ATG13: variants seen among roughly 807,000 people sequenced by gnomAD.
The protein encoded by ATG13 is autophagy related 13.
A neutral mutation model predicts 65.5 loss-of-function variants in ATG13; 23 were observed. That is an observed-to-expected ratio of 0.35 (90% CI 0.25 to 0.50). The LOEUF (loss-of-function observed/expected upper bound fraction) is 0.50, where lower values mean the gene tolerates loss of function less well. ATG13 is among the 20% of genes least tolerant of loss of function. The pLI is 0.98. For missense variants in ATG13, 566 were observed against 677.0 expected (o/e 0.84, Z 1.82); for synonymous variants, 252 against 245.2 (o/e 1.03, Z -0.26).
chr11:46,662,456 G>A (rs2061399152), intron 11 of ATG13, among the ~76,000 whole-genome samples: 1 of 152,178 alleles, frequency 6.6e-6, no homozygotes, highest in Non-Finnish European at 1.5e-5. Context: ...TGCACCTGGT[G>A]TTTGCATCAA....
At chr11:46,633,497 G>A (rs771122061) in intron 2 of ATG13, among the ~76,000 whole-genome samples, 3 of 151,614 alleles carry the variant, frequency 2.0e-5, no homozygotes, top group Non-Finnish European at 4.4e-5. Flanking sequence ...ACAGGCGCCC[G>A]CCACCACGCC....
chr11:46,624,205 T>C (rs1454313416), intron 1 of ATG13, among the ~76,000 whole-genome samples: 1 of 152,132 alleles, frequency 6.6e-6, no homozygotes, highest in Non-Finnish European at 1.5e-5. Context: ...GGTTTCGCCA[T>C]GTTGGCCAGG....
chr11:46,657,932 G>T (rs1488996906), intron 10 of ATG13, among the ~76,000 whole-genome samples: 1 of 152,168 alleles, frequency 6.6e-6, no homozygotes, highest in Non-Finnish European at 1.5e-5. Context: ...AGCTGGGCAT[G>T]CCAGCACATG....
intron 7 of ATG13, among the ~76,000 whole-genome samples, chr11:46,654,346 T>C (rs912519157): frequency 2.0e-5 from 3 of 147,430 alleles, no homozygotes; most frequent in Non-Finnish European, 4.5e-5. Context: ...AGACCACTTA[T>C]CAAACTCTAG....
chr11:46,656,250 T>A lies in ATG13; in HGVS notation c.476T>A (p.Val159Asp). 1 of 1,613,224 alleles carries A rather than the reference T, an allele frequency of 6.2e-7. No individual in the cohort carries two copies. The highest frequency in any genetic ancestry group is 8.5e-7 in the Non-Finnish European group (1 of 1,179,186). ...VILYRIYFGE[V>D]QLSGLGEGFQ... ...CCATACAGGATATATTTTGGAGAAG[T>A]TCAGCTGAGTGGCTTAGGAGAAGGT... The change falls in exon 8 of 19, where the codon GTT becomes GAT. Residue 159 changes from valine (V) to aspartate (D), a missense_variant. Val to Asp is a radical substitution (Grantham distance 152). This residue lies in a region of ATG13 where 179 missense variants were observed against 267.2 expected (regional missense o/e 0.67). Coordinates refer to ENST00000683050, the MANE Select transcript of ATG13 (RefSeq NM_001346311.2).
chr11:46,667,648 T>A, intron 14 of ATG13, 125 bp from the exon 15 acceptor site: 2 of 583,590 alleles, frequency 3.4e-6, no homozygotes, highest in Non-Finnish European at 5.9e-6. Context: ...CCATCTCCCA[T>A]TGATGGGCCA....
intron 2 of ATG13, among the ~76,000 whole-genome samples, chr11:46,631,858 T>G (rs1246525595): frequency 6.6e-6 from 1 of 152,172 alleles, no homozygotes; most frequent in Non-Finnish European, 1.5e-5. Context: ...CCACCTTGGA[T>G]GACAGAACAA....
intron 2 of ATG13, among the ~76,000 whole-genome samples, chr11:46,633,691 G>C (rs1392062859): frequency 1.3e-5 from 2 of 152,078 alleles, no homozygotes; most frequent in Non-Finnish European, 2.9e-5. Context: ...CGAGTTTATA[G>C]TCCCAGCTAC....
In ATG13 at chr11:46,659,505, G is replaced by C; in HGVS notation, c.789+20G>C. On this transcript the variant is annotated intron_variant, in intron 11 of 18. Transcript: ENST00000683050. ...TCCCAGGTAGGGGGAAGCAGGTTCT[G>C]GGGTGGTGGTAGTTATTTGGTATAT... 1 of 1,590,286 alleles carries C rather than the reference G, an allele frequency of 6.3e-7. No individual in the cohort carries two copies. The highest frequency in any genetic ancestry group is 8.6e-7 in the Non-Finnish European group (1 of 1,158,658).
chr11:46,657,240 G>GA (rs773618510), intron 9 of ATG13, 49 bp downstream of exon 9: 57 of 1,516,906 alleles, frequency 3.8e-5, no homozygotes, highest in Non-Finnish European at 5.1e-5. Flanking sequence ...AAATGTTAAA[G>GA]TTTTTTTTCT....
At chr11:46,643,591 A>G (rs907978593) in intron 2 of ATG13, among the ~76,000 whole-genome samples, 1 of 149,942 alleles carries the variant, frequency 6.7e-6, no homozygotes, top group African/African-American at 2.4e-5. Context: ...AATCATCTCA[A>G]ATCATTTCAA....
At chr11:46,634,012 A>C (rs1459340919) in intron 2 of ATG13, among the ~76,000 whole-genome samples, 1 of 151,786 alleles carries the variant, frequency 6.6e-6, no homozygotes, top group Non-Finnish European at 1.5e-5. Context: ...CAGTGACTAG[A>C]CTCTTTGCTG....
chr11:46,646,132 TTC>T lies in ATG13; in HGVS notation c.270+145_270+146del, dbSNP rs1359375787. 201 of 1,212,886 alleles carry T rather than the reference TTC, an allele frequency of 1.7e-4. No individual in the cohort carries two copies. In the East Asian group the frequency reaches 4.8e-3, roughly 29 times the overall value. The allele number at this position is 1,212,886 out of a possible 1,614,324, so 75.1% of individuals were successfully genotyped here. Reference sequence around the variant, plus strand: ...TCTGAGGGGGTCATAGTTTTTTTTGTTCTTTTTTGTTTGTTTGTTTTGTTTTG... The same window carrying T: ...TCTGAGGGGGTCATAGTTTTTTTTGTTTTTTTGTTTGTTTGTTTTGTTTTG... On this transcript the variant is annotated intron_variant, in intron 5 of 18. Coordinates refer to ENST00000683050, the MANE Select transcript of ATG13 (RefSeq NM_001346311.2).
chr11:46,647,616 G>A (rs917938317), intron 5 of ATG13, among the ~76,000 whole-genome samples: 1 of 151,784 alleles, frequency 6.6e-6, no homozygotes, highest in Non-Finnish European at 1.5e-5. Context: ...CTGTCACCCA[G>A]GCTGGAGTGC....
At chr11:46,631,768 A>G (rs1331981695) in intron 2 of ATG13, among the ~76,000 whole-genome samples, 1 of 152,132 alleles carries the variant, frequency 6.6e-6, no homozygotes, top group Non-Finnish European at 1.5e-5. Context: ...GGTCTCAGCT[A>G]CTTGAGAGGC....
chr11:46,660,525 T>TC, intron 11 of ATG13, among the ~76,000 whole-genome samples: 1 of 151,540 alleles, frequency 6.6e-6, no homozygotes, highest in Middle Eastern at 3.4e-3. Flanking sequence ...TTCTCCTGCC[T>TC]AGCCTCCCGA....
rs542020390 is a variant in ATG13, at chr11:46,638,988, A to AT, written c.-13-5288dup. ...ACACTCGGCTGATTTTTATTTATTT[A>AT]TTTATTTATTTTTTTTTGAGAAGGA... On this transcript the variant is annotated intron_variant, in intron 2 of 18. Transcript: ENST00000683050. Among the ~76,000 whole-genome samples the AT allele has an allele frequency of 5.2e-3, 780 of 149,592 alleles. 8 individuals are homozygous for AT. Among genetic ancestry groups the AT allele is most frequent in the African/African-American group, 0.018 (743 of 40,256 alleles).
intron 7 of ATG13, among the ~76,000 whole-genome samples, chr11:46,651,169 A>T (rs1160499964): frequency 1.3e-5 from 2 of 152,184 alleles, no homozygotes; most frequent in Non-Finnish European, 2.9e-5. Flanking sequence ...AGGTGGTTTA[A>T]TGTAGTGAGG....
At chr11:46,627,326 C>T (rs939397000) in intron 1 of ATG13, among the ~76,000 whole-genome samples, 1 of 151,858 alleles carries the variant, frequency 6.6e-6, no homozygotes, top group Admixed American at 6.6e-5. Context: ...TTGCAGTGAG[C>T]CGAGATTGCA....
Sources: allele counts gnomAD v4.1 joint callset (sites outside exome capture counted in the v4.1 genomes callset), GRCh38; gene constraint gnomAD v4.1.1; regional missense constraint gnomAD v4.1.1; transcripts MANE v1.5; gene names NCBI Gene and HGNC (gene_info 2026-07-23, HGNC 2026-07-21).